Variants in LMNA observed in about 807,000 individuals in gnomAD.
LMNA encodes lamin A/C, also known as lamin.
Under a neutral mutation model 70.4 loss-of-function variants are expected in LMNA, and 20 were observed. The observed-to-expected ratio is 0.28, with a 90% CI of 0.20 to 0.41. LMNA has a LOEUF of 0.41. LMNA is among the 10% of genes least tolerant of loss of function. The pLI, the probability that LMNA is intolerant of heterozygous loss-of-function variation, is 1.00. For missense variants in LMNA, 652 were observed against 917.2 expected (o/e 0.71, Z 3.73); for synonymous variants, 339 against 372.8 (o/e 0.91, Z 1.04).
chr1:156,126,415 G>A lies in LMNA; in HGVS notation c.357-4202G>A, dbSNP rs1240294809. On this transcript the variant is annotated intron_variant, in intron 1 of 11. Transcript: ENST00000368300. ...GCCTAGCCTGTTGCCCCCAGCAACC[G>A]GGCCCAAACAGGCCTGTGGCCGGCC... The A allele has an allele frequency of 8.0e-6, 5 of 623,174 alleles. 1 individual carries two copies. The highest frequency in any genetic ancestry group is 5.4e-4 in the Middle Eastern group (2 of 3,700). 38.6% of individuals were successfully genotyped at this position (623,174 alleles called of 1,614,324 possible).
intron 3 of LMNA, among the ~76,000 whole-genome samples, chr1:156,091,921 AATT>A (rs754577407): frequency 6.6e-6 from 1 of 152,020 alleles, no homozygotes; most frequent in South Asian, 2.1e-4. Context: ...TACAAAAAAA[AATT>A]TTTTTTTTTT....
At chr1:156,104,643 C>G (rs112495204) in intron 3 of LMNA, among the ~76,000 whole-genome samples, 29 of 152,252 alleles carry the variant, frequency 1.9e-4, no homozygotes, top group African/African-American at 6.5e-4. Context: ...GGTCCCACCC[C>G]CTAAGCCACA....
intron 1 of LMNA, chr1:156,126,646 A>C (rs1280082128): frequency 8.0e-7 from 1 of 1,249,900 alleles, no homozygotes; most frequent in South Asian, 1.3e-5. Flanking sequence ...GCCTTGGGTC[A>C]CATTTGCAAG....
chr1:156,137,519 C>T lies in LMNA; in HGVS notation c.1609-135C>T. On this transcript the variant is annotated intron_variant, in intron 9 of 11. Transcript: ENST00000368300. The surrounding 1 kb of genome is among the most constrained non-coding windows in gnomAD (Gnocchi z 4.6). Reference sequence around the variant, plus strand: ...GAAATGAGTTCCTTAGCTCCATCACCACAGAGGACAGAGTAAGCAGCAGGC... The same window carrying T: ...GAAATGAGTTCCTTAGCTCCATCACTACAGAGGACAGAGTAAGCAGCAGGC... The T allele has an allele frequency of 1.1e-6, 1 of 895,556 alleles. No individual in the cohort carries two copies. Among genetic ancestry groups the T allele is most frequent in the Admixed American group, 2.0e-5 (1 of 50,148 alleles). 55.5% of individuals were successfully genotyped at this position (895,556 alleles called of 1,614,324 possible).
Position 156,135,079 on chromosome 1 carries a change from A to G in LMNA, c.810+104A>G. 6.2e-7 allele frequency: 1 copy of G among 1,609,848 alleles called. No individual in the cohort carries two copies. The highest frequency in any genetic ancestry group is 2.2e-5 in the East Asian group (1 of 44,848). On this transcript the variant is annotated intron_variant, in intron 4 of 11. Transcript: ENST00000368300. This position sits in a 1 kb window ranked among gnomAD's most constrained non-coding sequence, Gnocchi z 4.8. The stretch of plus-strand genomic sequence containing the variant: ...GGGGATCAGGCAGATGGTGGCAGGG[A>G]GCTCAGGGTGGCCCAGGACCTGGGG...
intron 1 of LMNA, among the ~76,000 whole-genome samples, chr1:156,119,038 C>T (rs528669553): frequency 6.6e-6 from 1 of 152,278 alleles, no homozygotes; most frequent in Non-Finnish European, 1.5e-5. Flanking sequence ...GTCAGCCTCA[C>T]AGGCTCTGGT....
In LMNA at chr1:156,092,402, G is replaced by A. The variant is rs541201541; in HGVS notation, c.-207+1820G>A. Among the ~76,000 whole-genome samples the A allele has an allele frequency of 3.3e-5, 5 of 151,918 alleles. 1 individual carries two copies. In the South Asian group the frequency reaches 1.0e-3, roughly 32 times the overall value. On this transcript the variant is annotated intron_variant, in intron 3 of 12. Coordinates refer to the LMNA transcript ENST00000368301. ...TATTCAAAAATTTACAAAAAGGCTG[G>A]GCACAGTGGCTCCTGTCTGTAATCC...
chr1:156,082,914 G>C (rs1648321294), intron 1 of LMNA: 1 of 152,014 alleles, frequency 6.6e-6, no homozygotes, highest in Non-Finnish European at 1.5e-5. Context: ...TCCCTGCCGC[G>C]CTCACTCTCC....
At chr1:156,089,588 C>T (rs568348269) in intron 2 of LMNA, among the ~76,000 whole-genome samples, 4 of 120,352 alleles carry the variant, frequency 3.3e-5, no homozygotes, top group Admixed American at 2.1e-4. Flanking sequence ...AGCCAAACTC[C>T]GTCTAAAAAA....
intron 1 of LMNA, among the ~76,000 whole-genome samples, chr1:156,116,461 TTCTC>T (rs1247858780): frequency 1.3e-5 from 2 of 152,086 alleles, no homozygotes; most frequent in Admixed American, 1.3e-4. Context: ...TGCCTTCCCT[TTCTC>T]TATGCAGACC....
rs180926699 is a variant in LMNA, at chr1:156,135,855, A to T, written c.937-46A>T. Reference sequence around the variant, plus strand: ...CCGACCCACGTCCCTCCTTCCCCATACTTAGGGCCCTTGGGAGCTCACCAA... The same window carrying T: ...CCGACCCACGTCCCTCCTTCCCCATTCTTAGGGCCCTTGGGAGCTCACCAA... On this transcript the variant is annotated intron_variant, in intron 5 of 11. Coordinates refer to ENST00000368300, the MANE Select transcript of LMNA (RefSeq NM_170707.4). The surrounding 1 kb of genome is among the most constrained non-coding windows in gnomAD (Gnocchi z 4.8). 2.1e-5 allele frequency: 33 copies of T among 1,550,092 alleles called. 1 individual carries two copies. In the African/African-American group the frequency reaches 2.7e-4, roughly 13 times the overall value.
rs1296679109 is a variant in LMNA, at chr1:156,135,286, G to T, written c.910G>T (p.Ala304Ser). Reference protein sequence around the residue: ...QSRIRIDSLSAQLSQLQKQLA... With the variant: ...QSRIRIDSLSSQLSQLQKQLA... Reference sequence around the variant, plus strand: ...GCGCATCCGCATCGACAGCCTCTCTGCCCAGCTCAGCCAGCTCCAGAAGCA... The same window carrying T: ...GCGCATCCGCATCGACAGCCTCTCTTCCCAGCTCAGCCAGCTCCAGAAGCA... The change falls in exon 5 of 12, where the codon GCC becomes TCC. Residue 304 changes from alanine to serine, a missense_variant. By Grantham distance (99) the Ala-to-Ser change is moderately conservative. Coordinates refer to ENST00000368300, the MANE Select transcript of LMNA (RefSeq NM_170707.4). This position sits in a 1 kb window ranked among gnomAD's most constrained non-coding sequence, Gnocchi z 4.8. 1 of 1,609,130 alleles carries T rather than the reference G, an allele frequency of 6.2e-7. No individual in the cohort carries two copies. The highest frequency in any genetic ancestry group is 1.1e-5 in the South Asian group (1 of 90,988).
At chr1:156,094,423 C>T (rs1215451633) in intron 3 of LMNA, among the ~76,000 whole-genome samples, 1 of 152,112 alleles carries the variant, frequency 6.6e-6, no homozygotes, top group Non-Finnish European at 1.5e-5. Context: ...ACTGCAACCT[C>T]TGCCTCCCGG....
chr1:156,127,815 T>C (rs564955786), intron 1 of LMNA, among the ~76,000 whole-genome samples: 64 of 152,072 alleles, frequency 4.2e-4, no homozygotes, highest in African/African-American at 1.5e-3. Context: ...GCCTCCCAAG[T>C]TGCTGGGACT....
intron 3 of LMNA, among the ~76,000 whole-genome samples, chr1:156,107,986 T>G (rs1175571195): frequency 2.6e-5 from 4 of 152,064 alleles, no homozygotes; most frequent in East Asian, 1.9e-4. Context: ...AGGCTGGTCT[T>G]GAACTCCTGA....
At chr1:156,082,993 A>T (rs1279040554) in exon 2 of LMNA, 1 of 152,286 alleles carries the variant, frequency 6.6e-6, no homozygotes, top group African/African-American at 2.4e-5. Context: ...TCGGCAGAGA[A>T]GACAAAGCCC....
chr1:156,088,388 G>C (rs1648562581), intron 2 of LMNA, among the ~76,000 whole-genome samples: 1 of 152,018 alleles, frequency 6.6e-6, no homozygotes, highest in South Asian at 2.1e-4. Flanking sequence ...ATGAGAATAT[G>C]GAATAAAATT....
chr1:156,106,465 C>G (rs1649349229), intron 3 of LMNA, among the ~76,000 whole-genome samples: 1 of 152,254 alleles, frequency 6.6e-6, no homozygotes, highest in African/African-American at 2.4e-5. Flanking sequence ...CACACGCGGC[C>G]GCCCACACGC....
rs1254199738 is a variant in LMNA at position 156,136,758 on chromosome 1, G to A, written c.1381-163G>A. ...GCCTGGTGCTGCGTATGTGTCCACA[G>A]ATCATGGCTATTATCCCCGGGGGAA... On this transcript the variant is annotated intron_variant, in intron 7 of 11. Coordinates refer to ENST00000368300, the MANE Select transcript of LMNA (RefSeq NM_170707.4). The surrounding 1 kb of genome is among the most constrained non-coding windows in gnomAD (Gnocchi z 6.1). The A allele has an allele frequency of 1.4e-6, 1 of 722,424 alleles. No homozygotes were observed. Among genetic ancestry groups the A allele is most frequent in the Non-Finnish European group, 2.5e-6 (1 of 403,908 alleles). The allele number at this position is 722,424 out of a possible 1,614,324, so 44.8% of individuals were successfully genotyped here. A position where few individuals can be genotyped will look rare whatever the true frequency, so the allele number is the denominator to read the frequency against.
Sources: gnomAD v4.1 joint callset for allele counts (sites outside exome capture counted in the v4.1 genomes callset) on GRCh38, gnomAD v4.1.1 for gene constraint, Gnocchi (gnomAD v3.1) non-coding constraint, MANE v1.5 for transcripts, NCBI Gene and HGNC (gene_info 2026-07-23, HGNC 2026-07-21) for gene names.